The following CA10 variants were observed in gnomAD, a reference collection of about 807,000 sequenced individuals.
CA10 encodes carbonic anhydrase 10 (inactive), also known as carbonic anhydrase-related protein 10.
A neutral mutation model predicts 44.2 loss-of-function variants in CA10; 14 were observed. That is an observed-to-expected ratio of 0.32 (90% confidence interval 0.21 to 0.50). The LOEUF is 0.50. Ranked by LOEUF, CA10 falls within the 20% of genes least tolerant of loss-of-function variation. The probability of loss-of-function intolerance (pLI) is 0.99; values close to 1 mark genes in which losing one functional copy is unlikely to be tolerated. For synonymous variants in CA10, 159 were observed against 141.6 expected (o/e 1.12, Z -0.87); for missense variants, 350 against 409.7 (o/e 0.85, Z 1.26).
At chr17:52,086,690 A>G (rs544566683) in intron 1 of CA10, among the ~76,000 whole-genome samples, 4 of 152,330 alleles carry the variant, frequency 2.6e-5, no homozygotes, top group Admixed American at 2.0e-4. Flanking sequence ...AAAATGGACC[A>G]AGAAGAGGAG....
chr17:51,991,338 G>A (rs1395222664), intron 2 of CA10, among the ~76,000 whole-genome samples: 2 of 152,072 alleles, frequency 1.3e-5, no homozygotes, highest in East Asian at 1.9e-4. Context: ...CCTCCAAAAT[G>A]TTATTTGTCC....
chr17:51,956,099 AATG>A (rs750037804), intron 2 of CA10, among the ~76,000 whole-genome samples: 2 of 152,158 alleles, frequency 1.3e-5, no homozygotes, highest in East Asian at 1.9e-4. Context: ...AAGCATAAAG[AATG>A]ATATTAAAAA....
intron 4 of CA10, among the ~76,000 whole-genome samples, chr17:51,700,218 G>A (rs1223621243): frequency 6.6e-6 from 1 of 152,152 alleles, no homozygotes; most frequent in East Asian, 1.9e-4. Flanking sequence ...TGCAGTGGCC[G>A]CCTAACAGGT....
At chr17:51,884,260 G>C (rs1408721721) in intron 3 of CA10, among the ~76,000 whole-genome samples, 5 of 152,136 alleles carry the variant, frequency 3.3e-5, no homozygotes, top group South Asian at 2.1e-4. Flanking sequence ...ACAGAGTGAT[G>C]CTGTAAAACT....
At chr17:51,946,671 C>A (rs1171252485) in intron 2 of CA10, among the ~76,000 whole-genome samples, 1 of 152,162 alleles carries the variant, frequency 6.6e-6, no homozygotes, top group Non-Finnish European at 1.5e-5. Context: ...AGTATTGCTT[C>A]CTTTGAGGAT....
intron 1 of CA10, among the ~76,000 whole-genome samples, chr17:52,093,078 G>A (rs1230898131): frequency 2.0e-5 from 3 of 152,042 alleles, no homozygotes; most frequent in Non-Finnish European, 4.4e-5. Context: ...CTTAAAGTCA[G>A]TTTCCAAGAA....
intron 4 of CA10, among the ~76,000 whole-genome samples, chr17:51,693,318 G>C (rs116824059): frequency 6.6e-6 from 1 of 152,034 alleles, no homozygotes; most frequent in East Asian, 1.9e-4. Flanking sequence ...GACTCCTCTG[G>C]GTAATTATAT....
chr17:52,116,470 G>A (rs1421899739), intron 1 of CA10, among the ~76,000 whole-genome samples: 1 of 152,140 alleles, frequency 6.6e-6, no homozygotes, highest in Non-Finnish European at 1.5e-5. Context: ...ATGGGTAAGA[G>A]CAGATAATCC....
intron 4 of CA10, among the ~76,000 whole-genome samples, chr17:51,687,076 C>T (rs758869242): frequency 7.2e-5 from 11 of 152,220 alleles, no homozygotes; most frequent in South Asian, 4.1e-4. Flanking sequence ...TATCCCATGT[C>T]GTATAAAATC....
intron 1 of CA10, among the ~76,000 whole-genome samples, chr17:52,139,499 G>A (rs1376494311): frequency 6.7e-6 from 1 of 150,174 alleles, no homozygotes; most frequent in Non-Finnish European, 1.5e-5. Flanking sequence ...TCTCTGTTCG[G>A]TGTCTTTTGC....
chr17:52,036,346 G>A (rs1021703948), intron 2 of CA10, among the ~76,000 whole-genome samples: 3 of 152,078 alleles, frequency 2.0e-5, no homozygotes, highest in African/African-American at 7.2e-5. Context: ...CTAGGCTCTG[G>A]GTATATAAAG....
intron 7 of CA10, among the ~76,000 whole-genome samples, chr17:51,635,388 C>T (rs974561082): frequency 1.3e-5 from 2 of 152,122 alleles, no homozygotes; most frequent in African/African-American, 4.8e-5. Context: ...TGGCACGTGT[C>T]TGTAATCCCA....
At chr17:51,789,243 T>G (rs1168457186) in intron 3 of CA10, among the ~76,000 whole-genome samples, 1 of 152,174 alleles carries the variant, frequency 6.6e-6, no homozygotes, top group African/African-American at 2.4e-5. Flanking sequence ...CTCGAACTTA[T>G]GACCTCAGGA....
At position 51,910,158 on chromosome 17, in the gene CA10, G is replaced by C. The variant is rs369162489; in HGVS notation, c.279+20832C>G. On this transcript the variant is annotated intron_variant, in intron 3 of 8. Transcript: ENST00000451037. ...TTTTGTGGGTTCATCCTGGAAGGTG[G>C]GGGGAGGAGAGGCTTAGAGAGGGGC... Among the ~76,000 whole-genome samples, 51 of 152,180 alleles carry C rather than the reference G, an allele frequency of 3.4e-4. No homozygotes were observed. In the South Asian group the frequency reaches 3.9e-3, roughly 12 times the overall value.
intron 3 of CA10, among the ~76,000 whole-genome samples, chr17:51,769,780 T>G (rs1381005249): frequency 6.6e-6 from 1 of 152,162 alleles, no homozygotes. Flanking sequence ...ATGAATTGAT[T>G]GTTCAGCCCC....
intron 4 of CA10, among the ~76,000 whole-genome samples, chr17:51,717,198 C>T (rs1175814932): frequency 6.6e-6 from 1 of 151,902 alleles, no homozygotes; most frequent in Non-Finnish European, 1.5e-5. Flanking sequence ...GACAGAGGTG[C>T]TAGAATTTTT....
intron 1 of CA10, among the ~76,000 whole-genome samples, chr17:52,099,831 A>G (rs1988494805): frequency 6.6e-6 from 1 of 152,336 alleles, no homozygotes; most frequent in Non-Finnish European, 1.5e-5. Context: ...TTGTGAACTC[A>G]AAGAAGTGTT....
At chr17:51,875,499 T>C (rs1226290204) in intron 3 of CA10, among the ~76,000 whole-genome samples, 3 of 152,206 alleles carry the variant, frequency 2.0e-5, no homozygotes, top group East Asian at 1.9e-4. Context: ...TCCTTCTTCA[T>C]GTGGAGGCAG....
intron 2 of CA10, among the ~76,000 whole-genome samples, chr17:51,982,150 G>A (rs930110917): frequency 6.6e-6 from 1 of 151,958 alleles, no homozygotes; most frequent in African/African-American, 2.4e-5. Context: ...ATAGGGGCCA[G>A]GTAAACATCA....
Sources: allele counts gnomAD v4.1 joint callset (sites outside exome capture counted in the v4.1 genomes callset), GRCh38; gene constraint gnomAD v4.1.1; transcripts MANE v1.5; gene names NCBI Gene and HGNC (gene_info 2026-07-23, HGNC 2026-07-21).